Variants in FRMPD4 observed in about 807,000 individuals in gnomAD.
The protein encoded by FRMPD4 is FERM and PDZ domain containing 4.
A neutral mutation model predicts 94.1 loss-of-function variants in FRMPD4; 22 were observed. The ratio of observed to expected loss-of-function variants is 0.23; its 90% CI spans 0.17 to 0.33. The LOEUF is 0.33. Among genes scored for constraint, FRMPD4 ranks in the 10% least tolerant of loss-of-function variants. FRMPD4 has a pLI of 1.00. For synonymous variants in FRMPD4, 631 were observed against 548.6 expected, an observed-to-expected ratio of 1.15 and a Z score of -2.10; for missense variants, 1,111 against 1,339.9, an observed-to-expected ratio of 0.83 and a Z score of 2.67.
At chrX:12,254,759 C>G (rs1601745129) in intron 1 of FRMPD4, among the ~76,000 whole-genome samples, 2 of 111,888 alleles carry the variant, frequency 1.8e-5, no homozygotes, top group Middle Eastern at 9.2e-3. Context: ...GAGGGGCTAA[C>G]ACTGTAGCAG....
intron 2 of FRMPD4, among the ~76,000 whole-genome samples, chrX:12,570,785 C>T (rs11095579): frequency 0.44 from 48,636 of 109,937 alleles, 8,045 homozygotes; most frequent in Non-Finnish European, 0.52. Context: ...GGCCACTAAG[C>T]GACTTAGGGG....
At chrX:12,620,990 G>A (rs1395988114) in intron 4 of FRMPD4, among the ~76,000 whole-genome samples, 3 of 112,109 alleles carry the variant, frequency 2.7e-5, no homozygotes, top group Non-Finnish European at 3.8e-5. Context: ...GGAGGCCGAG[G>A]TGGGTGGATC....
chrX:12,020,687 G>A (rs1175982575), intron 3 of FRMPD4, among the ~76,000 whole-genome samples: 1 of 111,970 alleles, frequency 8.9e-6, no homozygotes. Context: ...AATTGCACGA[G>A]AACAAATAAA....
chrX:11,989,827 T>C (rs966363302), intron 3 of FRMPD4, among the ~76,000 whole-genome samples: 1 of 111,499 alleles, frequency 9.0e-6, no homozygotes, highest in African/African-American at 3.3e-5. Context: ...GATGAGGATG[T>C]AGAGAAATTA....
intron 3 of FRMPD4, among the ~76,000 whole-genome samples, chrX:12,030,742 T>C (rs1456106933): frequency 8.9e-6 from 1 of 112,006 alleles, no homozygotes; most frequent in Non-Finnish European, 1.9e-5. Context: ...GGTAGCCATC[T>C]ACTTACTAGA....
chrX:12,518,046 C>A (rs1325399390), intron 2 of FRMPD4, among the ~76,000 whole-genome samples: 1 of 112,079 alleles, frequency 8.9e-6, no homozygotes, highest in African/African-American at 3.2e-5. Context: ...ACCATCCAGT[C>A]TCCCCAGCCT....
chrX:12,049,262 T>G (rs1381381629), intron 3 of FRMPD4, among the ~76,000 whole-genome samples: 1 of 111,694 alleles, frequency 9.0e-6, no homozygotes, highest in East Asian at 2.8e-4. Context: ...GTAAATAGAT[T>G]GCATTCTTGA....
At chrX:12,669,998 C>G (rs1355221492) in intron 4 of FRMPD4, among the ~76,000 whole-genome samples, 1 of 112,416 alleles carries the variant, frequency 8.9e-6, no homozygotes, top group Non-Finnish European at 1.9e-5. Flanking sequence ...TCAAGGATGA[C>G]TAACAAGAGT....
At chrX:12,446,609 C>T (rs1026712119) in intron 1 of FRMPD4, among the ~76,000 whole-genome samples, 3 of 110,825 alleles carry the variant, frequency 2.7e-5, no homozygotes, top group Non-Finnish European at 5.7e-5. Flanking sequence ...GAATAAGTCT[C>T]ATGAGAGCTG....
intron 3 of FRMPD4, among the ~76,000 whole-genome samples, chrX:12,016,514 T>G (rs1345943454): frequency 8.9e-6 from 1 of 112,035 alleles, no homozygotes; most frequent in Non-Finnish European, 1.9e-5. Flanking sequence ...TTTTACCTAA[T>G]CCCTTTTCAT....
intron 3 of FRMPD4, among the ~76,000 whole-genome samples, chrX:11,880,015 T>G (rs2053805038): frequency 8.9e-6 from 1 of 112,752 alleles, no homozygotes; most frequent in African/African-American, 3.2e-5. Context: ...AGAGAGAGAT[T>G]TACTTTTCTA....
chrX:12,634,434 C>T (rs1341642814), intron 4 of FRMPD4, among the ~76,000 whole-genome samples: 1 of 111,972 alleles, frequency 8.9e-6, no homozygotes, highest in African/African-American at 3.2e-5. Context: ...AGAGGTGGAA[C>T]AGGCTGTTTG....
At chrX:11,973,292 A>G (rs1405421204) in intron 3 of FRMPD4, among the ~76,000 whole-genome samples, 1 of 112,510 alleles carries the variant, frequency 8.9e-6, no homozygotes, top group Non-Finnish European at 1.9e-5. Context: ...GTGTTATAAA[A>G]TGCTGTGTTT....
chrX:12,098,411 T>A (rs1005759956), intron 3 of FRMPD4, among the ~76,000 whole-genome samples: 1 of 112,371 alleles, frequency 8.9e-6, no homozygotes, highest in Admixed American at 9.4e-5. Context: ...AGATTTGCAA[T>A]GAGTTCAAAG....
chrX:12,479,674 A>AT (rs2057658561), intron 1 of FRMPD4, among the ~76,000 whole-genome samples: 1 of 105,639 alleles, frequency 9.5e-6, no homozygotes, highest in Non-Finnish European at 1.9e-5. Context: ...TTTTTTTTTT[A>AT]TTTTTTGTAG....
chrX:12,041,843 A>AT (rs2054757763), intron 3 of FRMPD4, among the ~76,000 whole-genome samples: 1 of 110,642 alleles, frequency 9.0e-6, no homozygotes, highest in Middle Eastern at 4.3e-3. Flanking sequence ...TTCTTTTTCT[A>AT]TTTTTTAAAT....
intron 1 of FRMPD4, among the ~76,000 whole-genome samples, chrX:12,246,345 T>C (rs1184576232): frequency 2.7e-5 from 3 of 112,067 alleles, no homozygotes. Context: ...CATATTCTGA[T>C]ATGTAAAGGT....
intron 4 of FRMPD4, among the ~76,000 whole-genome samples, chrX:12,666,818 C>T (rs757712496): frequency 8.9e-6 from 1 of 112,256 alleles, no homozygotes; most frequent in African/African-American, 3.2e-5. Flanking sequence ...TAAATGCCCA[C>T]AGGAGAAAGC....
chrX:12,605,855 A>G (rs2059127913), intron 2 of FRMPD4, among the ~76,000 whole-genome samples: 1 of 110,648 alleles, frequency 9.0e-6, no homozygotes, highest in Admixed American at 9.6e-5. Flanking sequence ...TTTTCTCCCT[A>G]GTGTTTATAA....
Sources: allele counts gnomAD v4.1 joint callset (sites outside exome capture counted in the v4.1 genomes callset), GRCh38; gene constraint gnomAD v4.1.1; transcripts MANE v1.5; gene names NCBI Gene and HGNC (gene_info 2026-07-23, HGNC 2026-07-21).